The following CACNA2D2 variants were observed in gnomAD, a reference collection of about 807,000 sequenced individuals.
The protein encoded by CACNA2D2 is voltage-dependent calcium channel subunit alpha-2/delta-2.
In CACNA2D2, 48 loss-of-function variants were observed where a neutral mutation model predicts 166.4. The ratio of observed to expected loss-of-function variants is 0.29; its 90% confidence interval spans 0.23 to 0.37. The LOEUF is 0.37. Among genes scored for constraint, CACNA2D2 ranks in the 10% least tolerant of loss-of-function variants. The pLI, the probability that CACNA2D2 is intolerant of heterozygous loss-of-function variation, is 1.00. For synonymous variants in CACNA2D2, 561 were observed against 573.7 expected, an observed-to-expected ratio of 0.98 and a Z score of 0.32; for missense variants, 1,122 against 1,433.0, an observed-to-expected ratio of 0.78 and a Z score of 3.50.
intron 3 of CACNA2D2, among the ~76,000 whole-genome samples, chr3:50,410,530 C>T (rs1706960861): frequency 6.6e-6 from 1 of 151,934 alleles, no homozygotes; most frequent in Admixed American, 6.6e-5. Context: ...AGCCTCAACC[C>T]ACACAAGGTA....
chr3:50,377,456 G>C lies in CACNA2D2; in HGVS notation c.1626+11C>G, dbSNP rs1256685062. On this transcript the variant is annotated intron_variant, in intron 17 of 37. Coordinates refer to ENST00000424201, the MANE Select transcript of CACNA2D2 (RefSeq NM_006030.4). Reference sequence around the variant, plus strand: ...GAGGCAGGGTACGCGGATGGGCAGGGGGATGCTCACCGTGTAGTTGGGGGT... The same window carrying C: ...GAGGCAGGGTACGCGGATGGGCAGGCGGATGCTCACCGTGTAGTTGGGGGT... The C allele has an allele frequency of 2.5e-6, 4 of 1,609,612 alleles. No individual in the cohort carries two copies. Among genetic ancestry groups the C allele is most frequent in the East Asian group, 4.5e-5 (2 of 44,852 alleles).
intron 2 of CACNA2D2, among the ~76,000 whole-genome samples, chr3:50,466,931 C>T (rs1709850552): frequency 6.6e-6 from 1 of 152,214 alleles, no homozygotes; most frequent in African/African-American, 2.4e-5. Context: ...CCACTGGCCT[C>T]AGCATTGATC....
intron 2 of CACNA2D2, among the ~76,000 whole-genome samples, chr3:50,459,618 T>C (rs1314290590): frequency 6.6e-6 from 1 of 152,174 alleles, no homozygotes; most frequent in Non-Finnish European, 1.5e-5. Context: ...CTCCAGCACC[T>C]GGAGCCAAGG....
chr3:50,382,504 C>T (rs755769169), intron 6 of CACNA2D2, among the ~76,000 whole-genome samples: 1 of 152,206 alleles, frequency 6.6e-6, no homozygotes, highest in Non-Finnish European at 1.5e-5. Flanking sequence ...GATCCCTGCC[C>T]CCTGCTCCCA....
intron 2 of CACNA2D2, among the ~76,000 whole-genome samples, chr3:50,459,613 G>T (rs1377676541): frequency 2.0e-5 from 3 of 152,192 alleles, no homozygotes; most frequent in Non-Finnish European, 4.4e-5. Context: ...GAGGCCTCCA[G>T]CACCTGGAGC....
At position 50,379,422 on chromosome 3, in the gene CACNA2D2, T is replaced by C. The variant is rs2106660953; in HGVS notation, c.1152+10A>G. 1.9e-6 allele frequency: 3 copies of C among 1,612,534 alleles called. No individual in the cohort carries two copies. Among genetic ancestry groups the C allele is most frequent in the Non-Finnish European group, 2.5e-6 (3 of 1,179,102 alleles). On this transcript the variant is annotated intron_variant, in intron 11 of 37. Transcript: ENST00000424201. This position sits in a 1 kb window ranked among gnomAD's most constrained non-coding sequence, Gnocchi z 6.5. Reference sequence around the variant, plus strand: ...CCCCAGCCGCCCACTTGCCCACCCATGGGGCTCACGTTCTGCAGCTGGTCA... The same window carrying C: ...CCCCAGCCGCCCACTTGCCCACCCACGGGGCTCACGTTCTGCAGCTGGTCA...
intron 2 of CACNA2D2, among the ~76,000 whole-genome samples, chr3:50,440,092 A>G (rs1056363376): frequency 6.6e-6 from 1 of 152,226 alleles, no homozygotes; most frequent in Non-Finnish European, 1.5e-5. Flanking sequence ...TGCACCCCTC[A>G]GGGCTCTCCC....
chr3:50,435,902 G>C (rs1425734707), intron 2 of CACNA2D2, among the ~76,000 whole-genome samples: 1 of 152,238 alleles, frequency 6.6e-6, no homozygotes, highest in African/African-American at 2.4e-5. Flanking sequence ...AGGGAGAAGA[G>C]AGGCCCCGAG....
At chr3:50,390,673 T>C (rs587668284) in intron 4 of CACNA2D2, among the ~76,000 whole-genome samples, 10 of 152,248 alleles carry the variant, frequency 6.6e-5, no homozygotes, top group Admixed American at 2.6e-4. Flanking sequence ...CATGTGGACT[T>C]GGGCACACAG....
intron 2 of CACNA2D2, among the ~76,000 whole-genome samples, chr3:50,475,378 C>T (rs1432840619): frequency 1.3e-5 from 2 of 152,108 alleles, no homozygotes; most frequent in African/African-American, 4.8e-5. Context: ...CTGGTCAGTA[C>T]CTCCTGGCCC....
At chr3:50,465,450 C>T (rs1575731927) in intron 2 of CACNA2D2, among the ~76,000 whole-genome samples, 1 of 152,178 alleles carries the variant, frequency 6.6e-6, no homozygotes, top group African/African-American at 2.4e-5. Context: ...AGTGCAGTGG[C>T]AGGGCCAGGG....
At chr3:50,387,501 A>C in intron 5 of CACNA2D2, 67 bp downstream of exon 5, 2 of 1,330,874 alleles carry the variant, frequency 1.5e-6, no homozygotes, top group Non-Finnish European at 1.1e-6. Flanking sequence ...CTGAGTCCTA[A>C]CATCCATTTT....
chr3:50,491,623 G>C (rs1346534737), intron 1 of CACNA2D2, among the ~76,000 whole-genome samples: 1 of 152,206 alleles, frequency 6.6e-6, no homozygotes, highest in Non-Finnish European at 1.5e-5. Context: ...TGCCCTGCCT[G>C]ACTACTCTGT....
chr3:50,441,948 G>GC (rs954815850), intron 2 of CACNA2D2, among the ~76,000 whole-genome samples: 3 of 152,158 alleles, frequency 2.0e-5, no homozygotes, highest in African/African-American at 7.2e-5. Flanking sequence ...TAAGTAGTGA[G>GC]CCCCCCACCA....
intron 6 of CACNA2D2, 65 bp from the exon 7 acceptor site, chr3:50,381,191 C>A (rs747111615): frequency 1.1e-5 from 17 of 1,567,218 alleles, no homozygotes; most frequent in African/African-American, 2.7e-5. Flanking sequence ...CCCACCACCA[C>A]GACACTCATG....
intron 2 of CACNA2D2, among the ~76,000 whole-genome samples, chr3:50,441,111 G>A (rs1708572323): frequency 6.6e-6 from 1 of 152,026 alleles, no homozygotes; most frequent in African/African-American, 2.4e-5. Context: ...AGATACCCAG[G>A]TGGTGGGGAC....
chr3:50,362,627 G>A lies in CACNA2D2; in HGVS notation c.*2039C>T, dbSNP rs1449062817. Among the ~76,000 whole-genome samples, 1 of 146,736 alleles carries A rather than the reference G, an allele frequency of 6.8e-6. No individual in the cohort carries two copies. The highest frequency in any genetic ancestry group is 1.5e-5 in the Non-Finnish European group (1 of 68,006). On this transcript the variant is annotated 3_prime_UTR_variant, in exon 38 of 38. Transcript: ENST00000424201. ...ATGAGACAATGTATGTCAAGGGCCT[G>A]GCACCTATTATAACTGGTGGAAGCA...
rs778191917 is a variant in CACNA2D2 at position 50,366,124 on chromosome 3, G to T, written c.2749C>A (p.Leu917Met). The change falls in exon 32 of 38, where the codon CTG (leucine) becomes ATG (methionine). Residue 917 changes from leucine to methionine, a missense_variant. Transcript: ENST00000424201. This position sits in a 1 kb window ranked among gnomAD's most constrained non-coding sequence, Gnocchi z 5.9. ...FFSEVDANLM[L>M]ALYNNSFYTR... is the part of the protein sequence containing the mutation. The stretch of plus-strand genomic sequence containing the variant: ...TAGAAGGAGTTATTGTAGAGTGCCA[G>T]CATCAGGTTGGCATCCACCTCACTG... 3 of 1,613,946 alleles carry T rather than the reference G, an allele frequency of 1.9e-6. No homozygotes were observed. In the Admixed American group the frequency reaches 5.0e-5, roughly 27 times the overall value.
chr3:50,427,051 T>C lies in CACNA2D2; in HGVS notation c.405+7262A>G, dbSNP rs981457073. Among the ~76,000 whole-genome samples, 15 of 152,158 alleles carry C rather than the reference T, an allele frequency of 9.9e-5. No individual in the cohort carries two copies. The highest frequency in any genetic ancestry group is 1.9e-4 in the Non-Finnish European group (13 of 68,004). ...CCGTCCCCACACTCATGTCCAGCTG[T>C]TGGGGGTAGCGTCTTTGCCCAAGGC... On this transcript the variant is annotated intron_variant, in intron 3 of 37. Coordinates refer to ENST00000424201, the MANE Select transcript of CACNA2D2 (RefSeq NM_006030.4). The surrounding 1 kb of genome is among the most constrained non-coding windows in gnomAD (Gnocchi z 4.7).
Sources: allele counts gnomAD v4.1 joint callset (sites outside exome capture counted in the v4.1 genomes callset), GRCh38; gene constraint gnomAD v4.1.1; non-coding constraint Gnocchi (gnomAD v3.1); transcripts MANE v1.5; gene names NCBI Gene and HGNC (gene_info 2026-07-23, HGNC 2026-07-21).